SLC15A2: variants seen among roughly 807,000 people sequenced by gnomAD.
SLC15A2 encodes solute carrier family 15 member 2.
Under a neutral mutation model 95.5 loss-of-function variants are expected in SLC15A2, and 77 were observed. The observed-to-expected ratio is 0.81, with a 90% CI of 0.67 to 0.97. The LOEUF is 0.97. Among genes scored for constraint, SLC15A2 ranks in the 50% least tolerant of loss-of-function variants. The probability of loss-of-function intolerance (pLI) is 0.00; values close to 1 mark genes in which losing one functional copy is unlikely to be tolerated. For missense variants in SLC15A2, 893 were observed against 874.4 expected (o/e 1.02, Z -0.27); for synonymous variants, 306 against 306.9 (o/e 1.00, Z 0.03).
At chr3:121,939,323 C>G in intron 19 of SLC15A2, 26 bp from the exon 20 acceptor site, 1 of 1,468,160 alleles carries the variant, frequency 6.8e-7, no homozygotes, top group Non-Finnish European at 9.0e-7. Context: ...ACTGACAAGT[C>G]CATTTCCATT....
chr3:121,931,554 G>A (rs551428141), intron 18 of SLC15A2, 85 bp from the exon 19 acceptor site: 1 of 792,182 alleles, frequency 1.3e-6, no homozygotes, highest in Non-Finnish European at 2.2e-6. Context: ...ACCATCAGTA[G>A]AGAGATGAGA....
chr3:121,922,934 C>T, intron 9 of SLC15A2, 73 bp downstream of exon 9: 1 of 1,533,578 alleles, frequency 6.5e-7, no homozygotes, highest in South Asian at 1.1e-5. Flanking sequence ...TTCTATCCTA[C>T]TGCATTCAAC....
rs1039398864 is a variant in SLC15A2, at chr3:121,941,218, T to A, written c.*211T>A. 2.2e-6 allele frequency: 1 copy of A among 463,116 alleles called. No individual in the cohort carries two copies. The highest frequency in any genetic ancestry group is 2.0e-5 in the African/African-American group (1 of 50,146). The allele number at this position is 463,116 out of a possible 1,614,324, so 28.7% of individuals were successfully genotyped here. On this transcript the variant is annotated 3_prime_UTR_variant, in exon 22 of 22. Coordinates refer to ENST00000489711, the MANE Select transcript of SLC15A2 (RefSeq NM_021082.4). ...GTCTGCCCGTCCATCAGTGAACTCATTAAAACTTGTGCAGTGTTGCTGGAG... is the reference window on the plus strand; with the variant it reads ...GTCTGCCCGTCCATCAGTGAACTCAATAAAACTTGTGCAGTGTTGCTGGAG...
At chr3:121,939,632 A>C in intron 20 of SLC15A2, 137 bp downstream of exon 20, 1 of 590,712 alleles carries the variant, frequency 1.7e-6, no homozygotes, top group Non-Finnish European at 2.7e-6. Flanking sequence ...AACATATATG[A>C]CCTGAACATC....
At chr3:121,927,879 A>G in intron 14 of SLC15A2, 40 bp downstream of exon 14, 1 of 1,450,810 alleles carries the variant, frequency 6.9e-7, no homozygotes, top group Non-Finnish European at 9.7e-7. Flanking sequence ...GGGCAGGATC[A>G]TATCTTTCTT....
At chr3:121,925,779 T>TATAA (rs202076606) in intron 13 of SLC15A2, among the ~76,000 whole-genome samples, 1 of 36,576 alleles carries the variant, frequency 2.7e-5, no homozygotes, top group Non-Finnish European at 5.0e-5. Flanking sequence ...TATATATATA[T>TATAA]ATAAAATACA....
rs1710041946 is a variant in SLC15A2 at position 121,923,148 on chromosome 3, G to A, written c.957+19G>A. 2 of 1,613,284 alleles carry A rather than the reference G, an allele frequency of 1.2e-6. No individual in the cohort carries two copies. The highest frequency in any genetic ancestry group is 3.3e-5 in the Admixed American group (2 of 59,958). ...TCAGCAGGTAAGAATAGTTCTTTTG[G>A]ACATTACCGCTCCTTACAGCCACTT... On this transcript the variant is annotated intron_variant, in intron 10 of 21. Coordinates refer to ENST00000489711, the MANE Select transcript of SLC15A2 (RefSeq NM_021082.4).
chr3:121,930,052 T>C (rs994833114), intron 17 of SLC15A2, among the ~76,000 whole-genome samples: 1 of 152,140 alleles, frequency 6.6e-6, no homozygotes, highest in Non-Finnish European at 1.5e-5. Flanking sequence ...TCAAAAAAAG[T>C]AAACAGCTCA....
Position 121,894,401 on chromosome 3 carries a change from A to C in SLC15A2, c.-76A>C. On this transcript the variant is annotated 5_prime_UTR_variant, in exon 1 of 22. Coordinates refer to ENST00000489711, the MANE Select transcript of SLC15A2 (RefSeq NM_021082.4). Reference sequence around the variant, plus strand: ...GCTCCCCCTCCCAGTCCTTCTTTTCAGAGTAGGCTGGCAGCTGTCCTAACT... The same window carrying C: ...GCTCCCCCTCCCAGTCCTTCTTTTCCGAGTAGGCTGGCAGCTGTCCTAACT... 2 of 1,146,350 alleles carry C rather than the reference A, an allele frequency of 1.7e-6. No homozygotes were observed. Among genetic ancestry groups the C allele is most frequent in the Non-Finnish European group, 2.5e-6 (2 of 787,834 alleles). The allele number at this position is 1,146,350 out of a possible 1,614,324, so 71.0% of individuals were successfully genotyped here.
rs565234665 is a variant in SLC15A2 at position 121,932,850 on chromosome 3, C to T, written c.1761+1115C>T. Among the ~76,000 whole-genome samples, 750 of 152,004 alleles carry T rather than the reference C, an allele frequency of 4.9e-3. 8 individuals are homozygous for T. Among genetic ancestry groups the T allele is most frequent in the African/African-American group, 0.017 (693 of 41,470 alleles). On this transcript the variant is annotated intron_variant, in intron 19 of 21. Transcript: ENST00000489711. ...TATGTATACATGTGCCATGCTGGTG[C>T]GCTGCACCCACTAACTCGTCATCTA...
In SLC15A2 at chr3:121,930,864, T is replaced by G. The variant is rs747530590; in HGVS notation, c.1578T>G (p.Asp526Glu). Residue 526 changes from aspartate (D) to glutamate (E), a missense_variant, in exon 18 of 22, where the codon GAT becomes GAG. Transcript: ENST00000489711. ...GGTTTGTTAACACTTTGCATAAAGA[T>G]GTCAACATCTCCCTGAGTACAGATA... ...TVRFVNTLHK[D>E]VNISLSTDTS... 1 of 1,612,430 alleles carries G rather than the reference T, an allele frequency of 6.2e-7. No homozygotes were observed. Among genetic ancestry groups the G allele is most frequent in the South Asian group, 1.1e-5 (1 of 91,020 alleles).
chr3:121,943,721 A>G lies in SLC15A2; in HGVS notation c.*2714A>G, dbSNP rs1443744586. ...TAGGCAATTTTGTCATTATGCAAAC[A>G]TCATAGAGTGTACTTACACAAACCT... On this transcript the variant is annotated 3_prime_UTR_variant, in exon 22 of 22. Coordinates refer to ENST00000489711, the MANE Select transcript of SLC15A2 (RefSeq NM_021082.4). The G allele has an allele frequency of 2.0e-5, 3 of 152,234 alleles. No homozygotes were observed. Among genetic ancestry groups the G allele is most frequent in the African/African-American group, 7.2e-5 (3 of 41,466 alleles). 9.4% of individuals were successfully genotyped at this position (152,234 alleles called of 1,614,324 possible).
At chr3:121,927,871 G>T in intron 14 of SLC15A2, 32 bp downstream of exon 14, 11 of 1,490,440 alleles carry the variant, frequency 7.4e-6, no homozygotes, top group Non-Finnish European at 1.0e-5. Context: ...CTCTATGAGG[G>T]CAGGATCATA....
At chr3:121,899,833 A>AT (rs912418402) in intron 3 of SLC15A2, among the ~76,000 whole-genome samples, 6 of 152,152 alleles carry the variant, frequency 3.9e-5, no homozygotes, top group Admixed American at 2.6e-4. Context: ...TCCTTCTGAA[A>AT]TTACTCCCTA....
intron 3 of SLC15A2, among the ~76,000 whole-genome samples, chr3:121,907,925 C>T (rs1234991634): frequency 6.6e-6 from 1 of 152,224 alleles, no homozygotes; most frequent in Non-Finnish European, 1.5e-5. Context: ...CAGACAGGGA[C>T]GTTTAAGTCT....
chr3:121,929,468 G>A (rs1710188657), intron 17 of SLC15A2, 120 bp downstream of exon 17: 3 of 1,068,770 alleles, frequency 2.8e-6, no homozygotes, highest in Middle Eastern at 2.0e-4. Flanking sequence ...AATGCCAGGG[G>A]CACTGGTGTC....
At chr3:121,898,274 C>T (rs1348990132) in intron 3 of SLC15A2, among the ~76,000 whole-genome samples, 1 of 151,988 alleles carries the variant, frequency 6.6e-6, no homozygotes, top group Non-Finnish European at 1.5e-5. Flanking sequence ...TTATGAGTGT[C>T]TCTTTTCAGC....
intron 19 of SLC15A2, among the ~76,000 whole-genome samples, chr3:121,936,079 G>A (rs1363066790): frequency 1.3e-5 from 2 of 152,196 alleles, no homozygotes; most frequent in Non-Finnish European, 2.9e-5. Context: ...GCAGTTTTGA[G>A]TGAGATTCTT....
rs114226107 is a variant in SLC15A2, at chr3:121,913,697, A to G, written c.528+577A>G. Reference sequence around the variant, plus strand: ...TATAGATGAATTTCCCTGACTGATCATTCCCTCTCTTCCTAAATACTTTCC... The same window carrying G: ...TATAGATGAATTTCCCTGACTGATCGTTCCCTCTCTTCCTAAATACTTTCC... On this transcript the variant is annotated intron_variant, in intron 5 of 21. Coordinates refer to ENST00000489711, the MANE Select transcript of SLC15A2 (RefSeq NM_021082.4). Among the ~76,000 whole-genome samples, 1,449 of 152,292 alleles carry G rather than the reference A, an allele frequency of 9.5e-3. 14 individuals are homozygous for G. Among genetic ancestry groups the G allele is most frequent in the Middle Eastern group, 0.017 (5 of 294 alleles).
Sources: gnomAD v4.1 joint callset for allele counts (sites outside exome capture counted in the v4.1 genomes callset) on GRCh38, gnomAD v4.1.1 for gene constraint, MANE v1.5 for transcripts, NCBI Gene and HGNC (gene_info 2026-07-23, HGNC 2026-07-21) for gene names.